Variants in FARP1 observed in about 807,000 individuals in gnomAD.
FARP1 encodes FERM, ARH/RhoGEF and pleckstrin domain protein 1, also known as FERM, ARHGEF and pleckstrin domain-containing protein 1.
FARP1 carries 52 observed loss-of-function variants against 128.8 expected under a neutral mutation model. The ratio of observed to expected loss-of-function variants is 0.40; its 90% CI spans 0.32 to 0.51. The LOEUF (loss-of-function observed/expected upper bound fraction) is 0.51, where lower values mean the gene tolerates loss of function less well. FARP1 is among the 20% of genes least tolerant of loss of function. FARP1 has a pLI of 0.45. For missense variants in FARP1, 1,333 were observed against 1,367.9 expected, an observed-to-expected ratio of 0.97 and a Z score of 0.40; for synonymous variants, 580 against 551.8, an observed-to-expected ratio of 1.05 and a Z score of -0.72.
chr13:98,421,184 G>T (rs77680771), intron 16 of FARP1, among the ~76,000 whole-genome samples: 1 of 152,358 alleles, frequency 6.6e-6, no homozygotes, highest in East Asian at 1.9e-4. Flanking sequence ...TACCATGAAC[G>T]ATGCTGGGGA....
chr13:98,153,448 A>G (rs1876212026), intron 1 of FARP1, among the ~76,000 whole-genome samples: 1 of 131,042 alleles, frequency 7.6e-6, no homozygotes, highest in African/African-American at 2.7e-5. Context: ...AATATGTATA[A>G]TATATAATAC....
intron 3 of FARP1, among the ~76,000 whole-genome samples, chr13:98,345,193 C>A (rs56742495): frequency 6.6e-6 from 1 of 152,118 alleles, no homozygotes. Context: ...CTAACAACCC[C>A]GTTCTGTGCC....
chr13:98,273,728 A>G (rs1884499417), intron 2 of FARP1, among the ~76,000 whole-genome samples: 1 of 152,218 alleles, frequency 6.6e-6, no homozygotes, highest in Non-Finnish European at 1.5e-5. Flanking sequence ...GAAGCAGCAA[A>G]TGCTATTTTG....
intron 1 of FARP1, among the ~76,000 whole-genome samples, chr13:98,187,532 T>C (rs1878958345): frequency 6.6e-6 from 1 of 152,192 alleles, no homozygotes. Context: ...GGGGGCTCTG[T>C]GTCCTGGGGA....
At chr13:98,446,427 C>A in intron 25 of FARP1, 1 of 602,998 alleles carries the variant, frequency 1.7e-6, no homozygotes, top group Non-Finnish European at 2.9e-6. Context: ...GGAAGGGCCA[C>A]CTGTCTTCTG....
intron 2 of FARP1, among the ~76,000 whole-genome samples, chr13:98,318,949 T>TG (rs1419025438): frequency 3.3e-5 from 4 of 120,184 alleles, no homozygotes; most frequent in East Asian, 4.2e-4. Flanking sequence ...AGTTTTTTCT[T>TG]GTTTTTTTTT....
At chr13:98,340,842 C>T (rs1190380057) in intron 2 of FARP1, 1 of 152,268 alleles carries the variant, frequency 6.6e-6, no homozygotes, top group Admixed American at 6.5e-5. Context: ...CCCTGTGTGT[C>T]GGAAACAGGG....
At chr13:98,321,484 G>C (rs368240444) in intron 2 of FARP1, among the ~76,000 whole-genome samples, 2 of 152,336 alleles carry the variant, frequency 1.3e-5, no homozygotes, top group South Asian at 2.1e-4. Context: ...ATTATCCAGG[G>C]TTGTGGTATG....
Position 98,315,776 on chromosome 13 carries a change from G to C in FARP1, c.172-27986G>C, listed in dbSNP as rs144396331. On this transcript the variant is annotated intron_variant, in intron 2 of 26. Transcript: ENST00000319562. ...TGAGGAGACTTCAGAATTCACTGGTGGTTTTCTGAGTCCCAGCCCAGCAGT... is the reference window on the plus strand; with the variant it reads ...TGAGGAGACTTCAGAATTCACTGGTCGTTTTCTGAGTCCCAGCCCAGCAGT... Among the ~76,000 whole-genome samples, 151 of 152,324 alleles carry C rather than the reference G, an allele frequency of 9.9e-4. 1 individual carries two copies. The highest frequency in any genetic ancestry group is 3.1e-3 in the African/African-American group (130 of 41,582).
At chr13:98,333,471 AC>A (rs2139837146) in intron 2 of FARP1, 1 of 150,704 alleles carries the variant, frequency 6.6e-6, no homozygotes, top group African/African-American at 2.4e-5. Context: ...ACACACACAC[AC>A]ACACACAAAA....
chr13:98,361,612 T>A (rs566328616), intron 3 of FARP1, among the ~76,000 whole-genome samples: 2 of 152,238 alleles, frequency 1.3e-5, no homozygotes, highest in South Asian at 4.2e-4. Context: ...AGCATGACAG[T>A]TTGGAAACTT....
At chr13:98,261,900 C>T (rs1252308487) in intron 2 of FARP1, among the ~76,000 whole-genome samples, 1 of 152,164 alleles carries the variant, frequency 6.6e-6, no homozygotes, top group Non-Finnish European at 1.5e-5. Context: ...TAGGCTCCGT[C>T]TCCAACTCTG....
chr13:98,388,777 G>A (rs1890196595), intron 9 of FARP1, among the ~76,000 whole-genome samples: 1 of 152,190 alleles, frequency 6.6e-6, no homozygotes, highest in Non-Finnish European at 1.5e-5. Flanking sequence ...AACCTGAGCT[G>A]TGCTATTGCT....
intron 13 of FARP1, chr13:98,407,642 G>A (rs1480642545): frequency 6.6e-6 from 1 of 152,160 alleles, no homozygotes; most frequent in Non-Finnish European, 1.5e-5. Flanking sequence ...CAAGCTTACT[G>A]AATCTGCCTT....
At chr13:98,286,727 C>T (rs530591634) in intron 2 of FARP1, among the ~76,000 whole-genome samples, 7 of 152,274 alleles carry the variant, frequency 4.6e-5, no homozygotes, top group East Asian at 3.9e-4. Flanking sequence ...CATTGATTAC[C>T]GATGGACTCA....
intron 16 of FARP1, among the ~76,000 whole-genome samples, chr13:98,418,886 T>G (rs1891486910): frequency 6.6e-6 from 1 of 152,170 alleles, no homozygotes; most frequent in African/African-American, 2.4e-5. Context: ...GGGTTGTCAC[T>G]TTGGATCCTC....
chr13:98,438,727 T>C (rs1351276011), intron 19 of FARP1, 77 bp from the exon 20 acceptor site: 4 of 1,197,916 alleles, frequency 3.3e-6, no homozygotes, highest in Non-Finnish European at 5.0e-6. Flanking sequence ...AATTTAGCCC[T>C]CGGGGTCTGC....
rs118094262 is a variant in FARP1, at chr13:98,286,308, C to T, written c.172-57454C>T. 3.3e-3 allele frequency among the ~76,000 whole-genome samples: 502 copies of T among 152,276 alleles called. 15 individuals carry two copies. In the East Asian group the frequency reaches 0.073, roughly 22 times the overall value. On this transcript the variant is annotated intron_variant, in intron 2 of 26. Transcript: ENST00000319562. ...CTGTGACCAGCTGGTCTTTCTGCCTCCCTTAGTATCTGTCCCCTTGATATG... is the reference window on the plus strand; with the variant it reads ...CTGTGACCAGCTGGTCTTTCTGCCTTCCTTAGTATCTGTCCCCTTGATATG...
chr13:98,153,543 TGTATAAATATATATTTATATATATTA>T, intron 1 of FARP1, among the ~76,000 whole-genome samples: 1 of 85,486 alleles, frequency 1.2e-5, no homozygotes, highest in Non-Finnish European at 2.5e-5. Context: ...TATATAAATA[TGTATAAATATATATTTATATATATTA>T]TATATATATT....
Sources: allele counts gnomAD v4.1 joint callset (sites outside exome capture counted in the v4.1 genomes callset), GRCh38; gene constraint gnomAD v4.1.1; transcripts MANE v1.5; gene names NCBI Gene and HGNC (gene_info 2026-07-23, HGNC 2026-07-21).